The following DLC1 variants were observed in gnomAD, a reference collection of about 807,000 sequenced individuals.
The protein encoded by DLC1 is rho GTPase-activating protein 7.
A neutral mutation model predicts 140.3 loss-of-function variants in DLC1; 54 were observed. The ratio of observed to expected loss-of-function variants is 0.38; its 90% CI spans 0.31 to 0.48. The LOEUF (loss-of-function observed/expected upper bound fraction) is 0.48, where lower values mean the gene tolerates loss of function less well. DLC1 is among the 20% of genes least tolerant of loss of function. The pLI, the probability that DLC1 is intolerant of heterozygous loss-of-function variation, is 0.96. For synonymous variants in DLC1, 986 were observed against 728.1 expected, an observed-to-expected ratio of 1.35 and a Z score of -5.70; for missense variants, 2,536 against 1,907.0, an observed-to-expected ratio of 1.33 and a Z score of -6.14.
intron 4 of DLC1, among the ~76,000 whole-genome samples, chr8:13,339,274 A>G (rs1016201672): frequency 6.6e-6 from 1 of 152,214 alleles, no homozygotes; most frequent in Non-Finnish European, 1.5e-5. Context: ...CACGGAGGAC[A>G]AGGCACAATA....
intron 5 of DLC1, chr8:13,133,600 G>C (rs975013161): frequency 1.3e-5 from 2 of 148,284 alleles, no homozygotes; most frequent in African/African-American, 2.5e-5. Flanking sequence ...TCCCCCACGG[G>C]CCTCCACGTT....
intron 4 of DLC1, among the ~76,000 whole-genome samples, chr8:13,308,487 A>G (rs7829921): frequency 0.082 from 12,420 of 152,244 alleles, 907 homozygotes; most frequent in East Asian, 0.38. Context: ...TTATGAATAA[A>G]TATATTACAT....
chr8:13,432,862 A>G (rs1348027657), intron 2 of DLC1, among the ~76,000 whole-genome samples: 1 of 151,256 alleles, frequency 6.6e-6, no homozygotes, highest in Non-Finnish European at 1.5e-5. Context: ...GAAGGGAAAC[A>G]CTTTCAAGAG....
At chr8:13,176,756 A>C (rs1348491827) in intron 5 of DLC1, among the ~76,000 whole-genome samples, 2 of 152,228 alleles carry the variant, frequency 1.3e-5, no homozygotes, top group African/African-American at 4.8e-5. Context: ...AGATAGAATT[A>C]AATTTGCTAA....
chr8:13,241,578 T>C (rs1348657147), intron 5 of DLC1, among the ~76,000 whole-genome samples: 1 of 152,186 alleles, frequency 6.6e-6, no homozygotes, highest in Non-Finnish European at 1.5e-5. Flanking sequence ...GGAGGAAATG[T>C]ATGAAAAGCC....
rs747514898 is a variant in DLC1 at position 13,499,821 on chromosome 8, T to C, written c.251A>G (p.Asp84Gly). 6.2e-7 allele frequency: 1 copy of C among 1,614,064 alleles called. No homozygotes were observed. Among genetic ancestry groups the C allele is most frequent in the Non-Finnish European group, 8.5e-7 (1 of 1,179,996 alleles). ...PGRPMGHLSK[D>G]VDENDSHEGE... The stretch of plus-strand genomic sequence containing the variant: ...TTCATGGCTGTCATTTTCGTCCACA[T>C]CCTTTGAAAGATGACCCATTGGCCT... Residue 84 changes from aspartate (D) to glycine (G), a missense_variant, in exon 2 of 18, where the codon GAT becomes GGT. By Grantham distance (94) the Asp-to-Gly change is moderately conservative (BLOSUM62 -1). Transcript: ENST00000276297.
At chr8:13,330,888 T>C (rs891172886) in intron 4 of DLC1, among the ~76,000 whole-genome samples, 1 of 152,232 alleles carries the variant, frequency 6.6e-6, no homozygotes, top group Non-Finnish European at 1.5e-5. Flanking sequence ...GTTAGCCTTA[T>C]AGGTAGGTGT....
intron 4 of DLC1, among the ~76,000 whole-genome samples, chr8:13,382,006 G>C (rs1454582297): frequency 1.3e-5 from 2 of 152,088 alleles, no homozygotes; most frequent in Admixed American, 6.6e-5. Context: ...TAGCTTTTGA[G>C]GGGGCTTTCA....
At chr8:13,311,835 A>G (rs1832673700) in intron 4 of DLC1, among the ~76,000 whole-genome samples, 1 of 152,174 alleles carries the variant, frequency 6.6e-6, no homozygotes, top group South Asian at 2.1e-4. Context: ...TAAGAATGAA[A>G]GTTGGGATTC....
chr8:13,237,588 G>A (rs1033013311), intron 5 of DLC1, among the ~76,000 whole-genome samples: 1 of 152,012 alleles, frequency 6.6e-6, no homozygotes, highest in African/African-American at 2.4e-5. Flanking sequence ...TACCCACTGT[G>A]TAGACTTTTA....
At chr8:13,128,654 A>G (rs1821798145) in intron 5 of DLC1, among the ~76,000 whole-genome samples, 1 of 152,126 alleles carries the variant, frequency 6.6e-6, no homozygotes, top group Non-Finnish European at 1.5e-5. Flanking sequence ...AACACGATGA[A>G]ACCCTGTTTC....
At chr8:13,555,702 A>G (rs1460591388) in intron 1 of DLC1, among the ~76,000 whole-genome samples, 1 of 150,342 alleles carries the variant, frequency 6.7e-6, no homozygotes, top group Non-Finnish European at 1.5e-5. Flanking sequence ...GGATTTCACC[A>G]TGTTGGCCAG....
chr8:13,424,261 G>A (rs951745123), intron 2 of DLC1, among the ~76,000 whole-genome samples: 1 of 152,116 alleles, frequency 6.6e-6, no homozygotes, highest in Non-Finnish European at 1.5e-5. Flanking sequence ...CACTTTGGGA[G>A]GCCAATCACC....
Position 13,500,031 on chromosome 8 carries a change from ACATGTTCTTCC to A in DLC1, c.30_40del (p.Trp10CysfsTer10). 6.2e-7 allele frequency: 1 copy of A among 1,614,074 alleles called. No homozygotes were observed. Among genetic ancestry groups the A allele is most frequent in the Non-Finnish European group, 8.5e-7 (1 of 1,179,944 alleles). On this transcript the variant is annotated frameshift_variant, in exon 2 of 18. Transcript: ENST00000276297. LOFTEE classifies it high-confidence loss of function. Reference sequence around the variant, plus strand: ...AAAAGGCTGTCCCATCCAGTGGGTCACATGTTCTTCCCAGCTTCTCTTTCTGATAGCTACAG... The same window carrying A: ...AAAAGGCTGTCCCATCCAGTGGGTCACAGCTTCTCTTTCTGATAGCTACAG...
chr8:13,524,108 TTTATTATTATTA>T (rs77161996), intron 1 of DLC1, among the ~76,000 whole-genome samples: 1,508 of 138,676 alleles, frequency 0.011, 13 homozygotes, highest in East Asian at 0.025. Context: ...ATCTATTCTA[TTTATTATTATTA>T]TTATTATTAT....
intron 1 of DLC1, among the ~76,000 whole-genome samples, chr8:13,579,199 A>G (rs1028444621): frequency 3.8e-5 from 5 of 132,134 alleles, no homozygotes; most frequent in Non-Finnish European, 7.9e-5. Context: ...GTCTCCTAGC[A>G]CCGCCGCATA....
At chr8:13,137,809 A>C (rs532389815) in intron 5 of DLC1, among the ~76,000 whole-genome samples, 2 of 151,740 alleles carry the variant, frequency 1.3e-5, no homozygotes, top group East Asian at 2.0e-4. Context: ...CATTGGCCAG[A>C]CTGGTCTCGA....
chr8:13,146,789 GA>G (rs1408547204), intron 5 of DLC1, among the ~76,000 whole-genome samples: 1 of 152,138 alleles, frequency 6.6e-6, no homozygotes, highest in Non-Finnish European at 1.5e-5. Context: ...AAGTCACAAG[GA>G]AAAGCAAACC....
chr8:13,250,494 C>T (rs2007112), intron 5 of DLC1, among the ~76,000 whole-genome samples: 35,561 of 152,044 alleles, frequency 0.23, 4,316 homozygotes, highest in South Asian at 0.34. Flanking sequence ...TATGGTAATT[C>T]TGGAGTAAAG....
Sources: gnomAD v4.1 joint callset for allele counts (sites outside exome capture counted in the v4.1 genomes callset) on GRCh38, gnomAD v4.1.1 for gene constraint, MANE v1.5 for transcripts, NCBI Gene and HGNC (gene_info 2026-07-23, HGNC 2026-07-21) for gene names.